Variants in MEP1B observed in about 807,000 individuals in gnomAD.
MEP1B encodes meprin A subunit beta.
Under a neutral mutation model 84.6 loss-of-function variants are expected in MEP1B, and 80 were observed. That is an observed-to-expected ratio of 0.95 (90% CI 0.79 to 1.14). The LOEUF (loss-of-function observed/expected upper bound fraction) is 1.14. MEP1B is among the 50% of genes most tolerant of loss of function. The pLI, the probability that MEP1B is intolerant of heterozygous loss-of-function variation, is 0.00. For missense variants in MEP1B, 766 were observed against 855.1 expected (o/e 0.90, Z 1.30); for synonymous variants, 273 against 288.1 (o/e 0.95, Z 0.53).
intron 12 of MEP1B, among the ~76,000 whole-genome samples, chr18:32,216,575 T>C (rs942884207): frequency 1.3e-5 from 2 of 152,372 alleles, no homozygotes; most frequent in African/African-American, 4.8e-5. Flanking sequence ...TGTACCCTTC[T>C]GGGCTCCCAG....
intron 5 of MEP1B, 79 bp downstream of exon 5, chr18:32,195,564 T>G (rs2040844676): frequency 1.1e-6 from 1 of 918,472 alleles, no homozygotes; most frequent in African/African-American, 1.7e-5. Context: ...AAGGGTGGGC[T>G]TATATAGTCT....
At chr18:32,218,153 T>G (rs1389423436) in intron 14 of MEP1B, among the ~76,000 whole-genome samples, 188 bp downstream of exon 14, 2 of 152,230 alleles carry the variant, frequency 1.3e-5, no homozygotes, top group African/African-American at 4.8e-5. Flanking sequence ...AAACTGGGAT[T>G]TATGGAGGTT....
At chr18:32,205,224 G>A (rs1598892328) in intron 7 of MEP1B, among the ~76,000 whole-genome samples, 1 of 152,098 alleles carries the variant, frequency 6.6e-6, no homozygotes, top group Non-Finnish European at 1.5e-5. Context: ...ATTGTTTCAT[G>A]GAACAATTTT....
At chr18:32,216,620 A>G (rs1364555932) in intron 12 of MEP1B, among the ~76,000 whole-genome samples, 1 of 152,222 alleles carries the variant, frequency 6.6e-6, no homozygotes, top group Non-Finnish European at 1.5e-5. Flanking sequence ...TTGGAGCCCC[A>G]GTAGGCTGGC....
chr18:32,215,385 C>A, intron 12 of MEP1B, 124 bp downstream of exon 12: 1 of 526,056 alleles, frequency 1.9e-6, no homozygotes, highest in Non-Finnish European at 3.2e-6. Context: ...GGGGAATGGG[C>A]ATGAATGGGG....
chr18:32,209,809 A>T (rs1465275625), intron 9 of MEP1B, among the ~76,000 whole-genome samples: 1 of 105,666 alleles, frequency 9.5e-6, no homozygotes, highest in Middle Eastern at 4.4e-3. Flanking sequence ...GAAAGTGTTT[A>T]AAAAAAAAAG....
intron 7 of MEP1B, among the ~76,000 whole-genome samples, chr18:32,207,033 T>C (rs2040972661): frequency 6.6e-6 from 1 of 152,218 alleles, no homozygotes; most frequent in African/African-American, 2.4e-5. Flanking sequence ...GTCCTAACTA[T>C]GGGCTGCAAT....
intron 14 of MEP1B, among the ~76,000 whole-genome samples, chr18:32,219,690 A>G (rs1002603945): frequency 1.6e-4 from 25 of 152,292 alleles, no homozygotes; most frequent in Non-Finnish European, 2.6e-4. Context: ...GGAAGGAGTT[A>G]AAGAAAAATG....
Position 32,217,853 on chromosome 18 carries a change from C to G in MEP1B, c.1979C>G (p.Thr660Ser). The G allele has an allele frequency of 6.2e-7, 1 of 1,613,894 alleles. No individual in the cohort carries two copies. Among genetic ancestry groups the G allele is most frequent in the Non-Finnish European group, 8.5e-7 (1 of 1,179,840 alleles). Residue 660 changes from threonine (T) to serine (S), a missense_variant, in exon 14 of 15, where the codon ACT becomes AGT. Transcript: ENST00000269202. ...ACCATAGTCATTGCTGTTTCATCTA[C>G]TGTTGCTGTGTTTGCCTTGATGCTG... ...RDTIVIAVSS[T>S]VAVFALMLII...
In MEP1B at chr18:32,213,324, G is replaced by C. The variant is rs1375652258; in HGVS notation, c.1344G>C (p.Leu448=). 4.3e-6 allele frequency: 7 copies of C among 1,613,706 alleles called. No homozygotes were observed. The highest frequency in any genetic ancestry group is 5.9e-6 in the Non-Finnish European group (7 of 1,179,782). ...TQFIGSPNGT[L]YSPPFYSSKG... ...TCATTGGCAGCCCAAATGGAACTCT[G>C]TATAGCCCTCCATTTTACTCTTCTA... Residue 448 remains leucine, a synonymous_variant, in exon 11 of 15, where the codon CTG becomes CTC. Coordinates refer to ENST00000269202, the MANE Select transcript of MEP1B (RefSeq NM_005925.3).
chr18:32,211,039 G>A (rs538576550), intron 10 of MEP1B, among the ~76,000 whole-genome samples: 3 of 152,208 alleles, frequency 2.0e-5, no homozygotes, highest in East Asian at 3.9e-4. Flanking sequence ...CGAGGCGGTC[G>A]GATCACCTGA....
intron 11 of MEP1B, among the ~76,000 whole-genome samples, chr18:32,214,265 A>G (rs2041060325): frequency 6.6e-6 from 1 of 152,180 alleles, no homozygotes; most frequent in African/African-American, 2.4e-5. Flanking sequence ...CTCAAAAAGA[A>G]GCAACCCACT....
In MEP1B at chr18:32,199,668, G is replaced by GTTCCTTCCTTCCTTCCTTCC. The variant is rs201128780; in HGVS notation, c.251-3201_251-3182dup. On this transcript the variant is annotated intron_variant, in intron 5 of 14. Transcript: ENST00000269202. Reference sequence around the variant, plus strand: ...ATTCTTCCTTTTTTTCCTTTCGTTCGTTCCTTCCTTCCTTCCTTCCTTCCT... The same window carrying GTTCCTTCCTTCCTTCCTTCC: ...ATTCTTCCTTTTTTTCCTTTCGTTCGTTCCTTCCTTCCTTCCTTCCTTCCTTCCTTCCTTCCTTCCTTCCT... Among the ~76,000 whole-genome samples, 512 of 126,880 alleles carry GTTCCTTCCTTCCTTCCTTCC rather than the reference G, an allele frequency of 4.0e-3. 3 individuals carry two copies. Among genetic ancestry groups the GTTCCTTCCTTCCTTCCTTCC allele is most frequent in the African/African-American group, 0.012 (370 of 30,430 alleles). The allele number at this position is 126,880 out of a possible 152,430, so 83.2% of individuals were successfully genotyped here.
At position 32,191,815 on chromosome 18, in the gene MEP1B, T is replaced by A. The variant is rs1394616653; in HGVS notation, c.64-7T>A. On this transcript the variant is annotated splice_polypyrimidine_tract_variant and splice_region_variant and intron_variant, in intron 1 of 14. Coordinates refer to ENST00000269202, the MANE Select transcript of MEP1B (RefSeq NM_005925.3). ...TAATATGTTTTGTTTATGTGTTTATTTCCCAGGCAACTCCAGAAAACTTTG... is the reference window on the plus strand; with the variant it reads ...TAATATGTTTTGTTTATGTGTTTATATCCCAGGCAACTCCAGAAAACTTTG... 6.5e-7 allele frequency: 1 copy of A among 1,532,638 alleles called. No individual in the cohort carries two copies. The highest frequency in any genetic ancestry group is 8.9e-7 in the Non-Finnish European group (1 of 1,125,960). The allele number at this position is 1,532,638 out of a possible 1,614,324, so 94.9% of individuals were successfully genotyped here. A position where few individuals can be genotyped will look rare whatever the true frequency, so the allele number is the denominator to read the frequency against.
chr18:32,191,723 A>G lies in MEP1B; in HGVS notation c.64-99A>G. On this transcript the variant is annotated intron_variant, in intron 1 of 14. Coordinates refer to ENST00000269202, the MANE Select transcript of MEP1B (RefSeq NM_005925.3). ...GGAAGTAATCCATAATATTAATGAC[A>G]AAACAAACAAACAACAAATGGTTAG... 9.3e-6 allele frequency: 7 copies of G among 754,778 alleles called. No homozygotes were observed. The South Asian group carries it at 1.3e-4, about 14-fold the overall frequency. The allele number at this position is 754,778 out of a possible 1,614,324, so 46.8% of individuals were successfully genotyped here. A position where few individuals can be genotyped will look rare whatever the true frequency, so the allele number is the denominator to read the frequency against.
intron 1 of MEP1B, 141 bp downstream of exon 1, chr18:32,190,274 T>A: frequency 1.5e-6 from 1 of 663,330 alleles, no homozygotes; most frequent in Non-Finnish European, 2.6e-6. Context: ...TCTTGGAGAT[T>A]AGGGGTGGGC....
intron 9 of MEP1B, among the ~76,000 whole-genome samples, chr18:32,208,542 G>C (rs755510011): frequency 6.6e-6 from 1 of 152,116 alleles, no homozygotes; most frequent in African/African-American, 2.4e-5. Flanking sequence ...ACCAGACTGG[G>C]CCTCCTGCAA....
intron 5 of MEP1B, among the ~76,000 whole-genome samples, chr18:32,200,386 T>C (rs1012923256): frequency 6.6e-6 from 1 of 152,166 alleles, no homozygotes; most frequent in African/African-American, 2.4e-5. Flanking sequence ...CTTCAAATTT[T>C]TATAGAACAA....
chr18:32,207,306 T>A lies in MEP1B; in HGVS notation c.602T>A (p.Val201Asp). The A allele has an allele frequency of 5.0e-6, 8 of 1,613,250 alleles. No individual in the cohort carries two copies. The highest frequency in any genetic ancestry group is 6.8e-6 in the Non-Finnish European group (8 of 1,179,378). The change falls in exon 8 of 15, where the codon GTT becomes GAT. Residue 201 changes from valine to aspartate, a missense_variant. Transcript: ENST00000269202. Reference sequence around the variant, plus strand: ...GACGATATATCAGATTCCCTGAATGTTCCCTATGATTACACTTCAGTAATG... The same window carrying A: ...GACGATATATCAGATTCCCTGAATGATCCCTATGATTACACTTCAGTAATG... Reference protein sequence around the residue: ...YSDDISDSLNVPYDYTSVMHY... With the variant: ...YSDDISDSLNDPYDYTSVMHY...
Sources: allele counts gnomAD v4.1 joint callset (sites outside exome capture counted in the v4.1 genomes callset), GRCh38; gene constraint gnomAD v4.1.1; transcripts MANE v1.5; gene names NCBI Gene and HGNC (gene_info 2026-07-23, HGNC 2026-07-21).